Variants in UNC13C observed in about 807,000 individuals in gnomAD.
UNC13C encodes unc-13 homolog C, also known as protein unc-13 homolog C.
Under a neutral mutation model 245.4 loss-of-function variants are expected in UNC13C, and 174 were observed. The ratio of observed to expected loss-of-function variants is 0.71; its 90% CI spans 0.63 to 0.80. The LOEUF (loss-of-function observed/expected upper bound fraction) is 0.80, where lower values mean the gene tolerates loss of function less well. Ranked by LOEUF, UNC13C falls within the 30% of genes least tolerant of loss-of-function variation. The pLI, the probability that UNC13C is intolerant of heterozygous loss-of-function variation, is 0.00. For synonymous variants in UNC13C, 992 were observed against 895.1 expected, an observed-to-expected ratio of 1.11 and a Z score of -1.93; for missense variants, 2,829 against 2,602.9, an observed-to-expected ratio of 1.09 and a Z score of -1.89.
rs531175185 is a variant in UNC13C, at chr15:54,126,636, G to A, written c.2984-16382G>A. Among the ~76,000 whole-genome samples, 56 of 152,230 alleles carry A rather than the reference G, an allele frequency of 3.7e-4. No homozygotes were observed. In the South Asian group the frequency reaches 0.011, roughly 30 times the overall value. On this transcript the variant is annotated intron_variant, in intron 2 of 32. Coordinates refer to ENST00000260323, the MANE Select transcript of UNC13C (RefSeq NM_001080534.3). ...AGAAAATGTAGGCAATACCATTCAG[G>A]ATATAAGCATGGGCAAAGACTTCAG...
intron 2 of UNC13C, among the ~76,000 whole-genome samples, chr15:54,102,180 A>G (rs532300318): frequency 4.4e-4 from 67 of 151,790 alleles, no homozygotes; most frequent in Non-Finnish European, 6.5e-4. Flanking sequence ...TAAACAAATG[A>G]ACCAAAGTAT....
At chr15:54,136,771 G>A (rs1311898373) in intron 2 of UNC13C, among the ~76,000 whole-genome samples, 4 of 151,834 alleles carry the variant, frequency 2.6e-5, no homozygotes, top group Middle Eastern at 3.2e-3. Context: ...GTTGAATTTT[G>A]TCAAGAGCTT....
intron 17 of UNC13C, among the ~76,000 whole-genome samples, chr15:54,342,701 T>C (rs2038763534): frequency 6.6e-6 from 1 of 152,220 alleles, no homozygotes; most frequent in Non-Finnish European, 1.5e-5. Context: ...CAATGTTAGA[T>C]GAAGGCAAGT....
At position 54,627,527 on chromosome 15, in the gene UNC13C, C is replaced by A. The variant is rs1566948726; in HGVS notation, c.*414C>A. On this transcript the variant is annotated 3_prime_UTR_variant, in exon 33 of 33. Transcript: ENST00000260323. ...TACTTACCTCATTATAGATGTCTTA[C>A]AAATACCCTTTTCTACCATAACTAG... is the stretch of plus-strand genomic sequence containing the variant. 1 of 155,126 alleles carries A rather than the reference C, an allele frequency of 6.4e-6. No homozygotes were observed. The highest frequency in any genetic ancestry group is 2.4e-5 in the African/African-American group (1 of 41,462). 9.6% of individuals were successfully genotyped at this position (155,126 alleles called of 1,614,324 possible).
chr15:54,012,501 T>C (rs1036513129), intron 1 of UNC13C, among the ~76,000 whole-genome samples, 147 bp from the exon 2 acceptor site: 1 of 152,248 alleles, frequency 6.6e-6, no homozygotes, highest in Non-Finnish European at 1.5e-5. Flanking sequence ...ATTTTAAAAG[T>C]AAATTTACAT....
chr15:53,956,304 C>A, the UNC13C span, among the ~76,000 whole-genome samples: 39 of 152,192 alleles, frequency 2.6e-4, no homozygotes, highest in East Asian at 6.2e-3. Flanking sequence ...CAAAGCTACA[C>A]GTGTACCACC....
In UNC13C at chr15:54,265,375, C is replaced by A; in HGVS notation, c.3697C>A (p.Gln1233Lys). Residue 1233 changes from glutamine to lysine, a missense_variant, in exon 10 of 33, where the codon CAG (glutamine) becomes AAG (lysine). Gln to Lys is a moderately conservative substitution (Grantham distance 53). Transcript: ENST00000260323. ...TITVVSAQGL[Q>K]AKDKTGSSDP... The stretch of plus-strand genomic sequence containing the variant: ...TTCAGTGGTTTCTGCACAGGGTCTA[C>A]AGGCAAAAGATAAAACAGGGTCTAG... The A allele has an allele frequency of 6.3e-7, 1 of 1,581,730 alleles. No individual in the cohort carries two copies. Among genetic ancestry groups the A allele is most frequent in the Non-Finnish European group, 8.6e-7 (1 of 1,161,800 alleles).
intron 19 of UNC13C, among the ~76,000 whole-genome samples, chr15:54,429,930 A>G (rs982398613): frequency 4.6e-5 from 7 of 151,714 alleles, no homozygotes; most frequent in Admixed American, 3.3e-4. Context: ...TTTATCTTTT[A>G]TACTTAAAAA....
chr15:54,092,372 A>G (rs989887810), intron 2 of UNC13C, among the ~76,000 whole-genome samples: 2 of 152,178 alleles, frequency 1.3e-5, no homozygotes, highest in Non-Finnish European at 2.9e-5. Context: ...GATCTGCTAT[A>G]ATTTAAAAAA....
At chr15:53,879,169 A>T in the UNC13C span, among the ~76,000 whole-genome samples, 1 of 152,138 alleles carries the variant, frequency 6.6e-6, no homozygotes, top group East Asian at 1.9e-4. Context: ...TCATTGATTC[A>T]TTTATTTTTA....
intron 8 of UNC13C, among the ~76,000 whole-genome samples, chr15:54,256,282 C>A (rs1039441891): frequency 6.6e-6 from 1 of 152,070 alleles, no homozygotes; most frequent in South Asian, 2.1e-4. Context: ...TCGGCAAGAT[C>A]GTGCTAGAAA....
At chr15:53,934,545 G>GAGT in the UNC13C span, among the ~76,000 whole-genome samples, 1 of 152,178 alleles carries the variant, frequency 6.6e-6, no homozygotes, top group Non-Finnish European at 1.5e-5. Flanking sequence ...CAATTAAAGA[G>GAGT]AGTCAGCTAT....
intron 17 of UNC13C, among the ~76,000 whole-genome samples, chr15:54,386,235 T>C (rs929414349): frequency 6.6e-6 from 1 of 152,306 alleles, no homozygotes; most frequent in Middle Eastern, 3.4e-3. Context: ...TACTTATCTC[T>C]AAAATGATGA....
At chr15:54,388,712 A>G (rs1035015553) in intron 17 of UNC13C, among the ~76,000 whole-genome samples, 18 of 151,934 alleles carry the variant, frequency 1.2e-4, no homozygotes, top group African/African-American at 3.9e-4. Flanking sequence ...ATAAAATTTT[A>G]TTCTTATTGT....
At chr15:54,612,234 A>C (rs1900141379) in intron 30 of UNC13C, among the ~76,000 whole-genome samples, 1 of 151,904 alleles carries the variant, frequency 6.6e-6, no homozygotes, top group South Asian at 2.1e-4. Context: ...AATCTCTAGC[A>C]TTAGGTGGTT....
At chr15:54,409,081 A>T (rs909168076) in intron 18 of UNC13C, among the ~76,000 whole-genome samples, 1 of 152,164 alleles carries the variant, frequency 6.6e-6, no homozygotes, top group Non-Finnish European at 1.5e-5. Context: ...GAGAAAATCA[A>T]CTTCAACAAA....
intron 30 of UNC13C, among the ~76,000 whole-genome samples, chr15:54,604,614 A>T (rs570624158): frequency 1.3e-5 from 2 of 152,222 alleles, no homozygotes; most frequent in South Asian, 4.1e-4. Flanking sequence ...CTGTGAGGCC[A>T]GAATCCCCAC....
At chr15:54,269,555 A>G (rs1270533007) in intron 10 of UNC13C, among the ~76,000 whole-genome samples, 2 of 152,148 alleles carry the variant, frequency 1.3e-5, no homozygotes, top group Admixed American at 1.3e-4. Flanking sequence ...CTGAGTAATG[A>G]TAAGTGCAGC....
intron 7 of UNC13C, among the ~76,000 whole-genome samples, chr15:54,241,503 G>T (rs550345626): frequency 6.6e-6 from 1 of 152,166 alleles, no homozygotes; most frequent in Admixed American, 6.5e-5. Flanking sequence ...ACCTGGATAA[G>T]TTTTGAAGTG....
Sources: gnomAD v4.1 joint callset for allele counts (sites outside exome capture counted in the v4.1 genomes callset) on GRCh38, gnomAD v4.1.1 for gene constraint, MANE v1.5 for transcripts, NCBI Gene and HGNC (gene_info 2026-07-23, HGNC 2026-07-21) for gene names.